The following MIA3 variants were observed in gnomAD, a reference collection of about 807,000 sequenced individuals.
MIA3 encodes transport and Golgi organization protein 1 homolog.
In MIA3, 90 loss-of-function variants were observed where a neutral mutation model predicts 192.4. That is an observed-to-expected ratio of 0.47 (90% CI 0.39 to 0.56). The LOEUF is 0.56. MIA3 is among the 20% of genes least tolerant of loss of function. MIA3 has a pLI of 0.00. For missense variants in MIA3, 2,123 were observed against 2,269.4 expected, an observed-to-expected ratio of 0.94 and a Z score of 1.31; for synonymous variants, 740 against 792.8, an observed-to-expected ratio of 0.93 and a Z score of 1.12.
chr1:222,628,360 AAC>A lies in MIA3; in HGVS notation c.1142_1143del (p.Thr381AsnfsTer14). On this transcript the variant is annotated frameshift_variant, in exon 4 of 28. Transcript: ENST00000344922. LOFTEE classifies it high-confidence loss of function. The part of the protein sequence containing the change: ...GIKNDDKNIL[T>X]TWGDTIFSIV... ...TCAAAAATGATGATAAAAATATACT[AAC>A]AACCTGGGGGGACACTATCTTCTCT... 6.2e-7 allele frequency: 1 copy of A among 1,613,910 alleles called. No individual in the cohort carries two copies. The highest frequency in any genetic ancestry group is 8.5e-7 in the Non-Finnish European group (1 of 1,179,960).
At position 222,632,275 on chromosome 1, in the gene MIA3, C is replaced by T. The variant is rs1234844020; in HGVS notation, c.3280C>T (p.His1094Tyr). 9 of 1,614,032 alleles carry T rather than the reference C, an allele frequency of 5.6e-6. No individual in the cohort carries two copies. The highest frequency in any genetic ancestry group is 7.6e-6 in the Non-Finnish European group (9 of 1,179,986). ...GGACCAACGTGTGATTGGGGACACT[C>T]ATGCCTCAGAAGTGTCACAGAAGCC... ...HLDQRVIGDT[H>Y]ASEVSQKPNT... Residue 1094 changes from histidine (H) to tyrosine (Y), a missense_variant, in exon 5 of 28, where the codon CAT becomes TAT. Physicochemically the swap from His to Tyr is moderately conservative, Grantham distance 83 (BLOSUM62 2). This residue lies in a region of MIA3 where 1,357 missense variants were observed against 1,396.1 expected (regional missense o/e 0.97). Transcript: ENST00000344922.
chr1:222,626,654 T>C (rs1571863120), intron 3 of MIA3, among the ~76,000 whole-genome samples: 1 of 152,196 alleles, frequency 6.6e-6, no homozygotes, highest in Non-Finnish European at 1.5e-5. Flanking sequence ...TTATTTGGAG[T>C]TAGGTACCTA....
At chr1:222,643,253 A>G (rs1662942887) in intron 6 of MIA3, among the ~76,000 whole-genome samples, 1 of 152,192 alleles carries the variant, frequency 6.6e-6, no homozygotes. Flanking sequence ...CATTTTCCAT[A>G]TTGTTATCTA....
At position 222,665,431 on chromosome 1, in the gene MIA3, GGTTC is replaced by G; in HGVS notation, c.5537_5540del (p.Gly1846AspfsTer30). 6.2e-7 allele frequency: 1 copy of G among 1,613,924 alleles called. No individual in the cohort carries two copies. The highest frequency in any genetic ancestry group is 1.6e-4 in the Middle Eastern group (1 of 6,062). ...TGGACACGCACCATTTAGACCTTTA[GGTTC>G]ACTTGGCCCAAGAGAGTACTTTATT... is the stretch of plus-strand genomic sequence containing the variant. On this transcript the variant is annotated frameshift_variant, in exon 28 of 28. Coordinates refer to ENST00000344922, the MANE Select transcript of MIA3 (RefSeq NM_198551.4). LOFTEE classifies it low-confidence loss of function (END_TRUNC).
chr1:222,667,486 A>G lies in MIA3; in HGVS notation c.*1867A>G, dbSNP rs1233799430. On this transcript the variant is annotated 3_prime_UTR_variant, in exon 28 of 28. Transcript: ENST00000344922. ...TAAGTAGGAAAGGTAAATTAAATCT[A>G]TTTTTAAAATTCAAAATATTAGAGT... The G allele has an allele frequency of 2.0e-5, 3 of 152,206 alleles. No homozygotes were observed. The highest frequency in any genetic ancestry group is 4.4e-5 in the Non-Finnish European group (3 of 68,032). The allele number at this position is 152,206 out of a possible 1,614,324, so 9.4% of individuals were successfully genotyped here.
intron 24 of MIA3, 98 bp downstream of exon 24, chr1:222,660,412 C>G: frequency 8.0e-7 from 1 of 1,249,886 alleles, no homozygotes; most frequent in Non-Finnish European, 1.1e-6. Flanking sequence ...CGGGTCTGTC[C>G]AGTATAGAAA....
At chr1:222,641,708 T>C in intron 6 of MIA3, 2 of 555,124 alleles carry the variant, frequency 3.6e-6, no homozygotes, top group South Asian at 2.8e-5. Flanking sequence ...TTGTTCTCGC[T>C]CAGCATGTTC....
intron 3 of MIA3, 133 bp downstream of exon 3, chr1:222,624,987 T>C: frequency 1.9e-6 from 1 of 526,562 alleles, no homozygotes; most frequent in Non-Finnish European, 3.4e-6. Context: ...TATATGGAAA[T>C]AGATGTTCTT....
chr1:222,645,216 A>C (rs768230927), intron 6 of MIA3, among the ~76,000 whole-genome samples: 10 of 152,240 alleles, frequency 6.6e-5, no homozygotes, highest in Non-Finnish European at 1.0e-4. Context: ...TTTTTTAAGC[A>C]ATAAAAACCA....
chr1:222,642,247 T>C (rs928558309), intron 6 of MIA3, among the ~76,000 whole-genome samples: 12 of 152,142 alleles, frequency 7.9e-5, no homozygotes, highest in Admixed American at 5.2e-4. Flanking sequence ...AACTGTGCAC[T>C]TTAAATACAT....
At position 222,627,666 on chromosome 1, in the gene MIA3, C is replaced by G. The variant is rs776644744; in HGVS notation, c.446C>G (p.Ser149Cys). 1.2e-6 allele frequency: 2 copies of G among 1,612,602 alleles called. No homozygotes were observed. Among genetic ancestry groups the G allele is most frequent in the South Asian group, 2.2e-5 (2 of 90,744 alleles). ...TTAGGGTTTTTGGAACTGTACAATT[C>G]TGCAGCTACAGATTCTGAGAAAGCT... is the stretch of plus-strand genomic sequence containing the variant. ...ELLGFLELYN[S>C]AATDSEKAVE... Residue 149 changes from serine to cysteine, a missense_variant, in exon 4 of 28, where the codon TCT becomes TGT. Coordinates refer to ENST00000344922, the MANE Select transcript of MIA3 (RefSeq NM_198551.4).
intron 6 of MIA3, chr1:222,644,389 G>C: frequency 6.5e-7 from 1 of 1,532,912 alleles, no homozygotes; most frequent in Non-Finnish European, 8.8e-7. Context: ...CTGAATTGGG[G>C]CCTTTCCGGA....
chr1:222,664,882 GATA>G (rs1327094475), intron 27 of MIA3: 1 of 461,342 alleles, frequency 2.2e-6, no homozygotes, highest in Admixed American at 2.4e-5. Context: ...CTCTTTTTCA[GATA>G]AAGATGGCAG....
Position 222,665,466 on chromosome 1 carries a change from T to C in MIA3, c.5571T>C (p.Gly1857=), listed in dbSNP as rs1156798438. The C allele has an allele frequency of 6.2e-7, 1 of 1,613,834 alleles. No individual in the cohort carries two copies. The highest frequency in any genetic ancestry group is 8.5e-7 in the Non-Finnish European group (1 of 1,179,990). ...SLGPREYFIP[G]TRLPPPTHGP... Reference sequence around the variant, plus strand: ...GCCCAAGAGAGTACTTTATTCCTGGTACCCGATTACCACCCCCAACCCATG... The same window carrying C: ...GCCCAAGAGAGTACTTTATTCCTGGCACCCGATTACCACCCCCAACCCATG... The change falls in exon 28 of 28, where the codon GGT becomes GGC. Residue 1857 remains glycine, a synonymous_variant. Transcript: ENST00000344922.
Position 222,663,979 on chromosome 1 carries a change from A to T in MIA3, c.5263-19A>T. The T allele has an allele frequency of 6.3e-7, 1 of 1,594,280 alleles. No individual in the cohort carries two copies. The highest frequency in any genetic ancestry group is 1.1e-5 in the South Asian group (1 of 89,796). On this transcript the variant is annotated intron_variant, in intron 26 of 27. Transcript: ENST00000344922. ...TCATACCATAGTATTTCAAAACTTC[A>T]ATTGTTTCTACTCTGCAGGTTAATA...
chr1:222,653,057 A>G lies in MIA3; in HGVS notation c.4136A>G (p.Glu1379Gly), dbSNP rs563174065. The change falls in exon 14 of 28, where the codon GAG (glutamate) becomes GGG (glycine). Residue 1379 changes from glutamate (E) to glycine (G), a missense_variant. Transcript: ENST00000344922. Reference protein sequence around the residue: ...DWSKLHAELSEQIKSFEKSQK... With the variant: ...DWSKLHAELSGQIKSFEKSQK... ...AGTAAATTACATGCTGAGCTCAGTG[A>G]GCAAATCAAATCATTTGAGAAGTCT... 1.9e-6 allele frequency: 3 copies of G among 1,613,282 alleles called. No individual in the cohort carries two copies. In the East Asian group the frequency reaches 6.7e-5, roughly 36 times the overall value.
chr1:222,641,350 T>C, intron 6 of MIA3: 1 of 321,686 alleles, frequency 3.1e-6, no homozygotes, highest in South Asian at 2.8e-5. Flanking sequence ...GACCCTTCCC[T>C]TCCCTGGCAC....
chr1:222,652,769 T>C (rs1226322168), intron 13 of MIA3, among the ~76,000 whole-genome samples: 2 of 152,222 alleles, frequency 1.3e-5, no homozygotes, highest in East Asian at 1.9e-4. Context: ...ATTATTTGAA[T>C]TGGCTACAAT....
intron 6 of MIA3, chr1:222,641,816 G>C (rs181371581): frequency 6.7e-5 from 36 of 539,574 alleles, no homozygotes; most frequent in Admixed American, 5.9e-4. Flanking sequence ...TGGTTCTTGA[G>C]CATTTCTAGC....
Sources: gnomAD v4.1 joint callset for allele counts (sites outside exome capture counted in the v4.1 genomes callset) on GRCh38, gnomAD v4.1.1 for gene constraint, gnomAD v4.1.1 regional missense constraint, MANE v1.5 for transcripts, NCBI Gene and HGNC (gene_info 2026-07-23, HGNC 2026-07-21) for gene names.